The following TGFBR3 variants were observed in gnomAD, a reference collection of about 807,000 sequenced individuals.
The protein encoded by TGFBR3 is transforming growth factor beta receptor 3, also known as transforming growth factor beta receptor type 3.
A neutral mutation model predicts 87.9 loss-of-function variants in TGFBR3; 46 were observed. The observed-to-expected ratio is 0.52, with a 90% CI of 0.41 to 0.67. TGFBR3 has a LOEUF of 0.67. TGFBR3 is among the 30% of genes least tolerant of loss of function. The pLI, the probability that TGFBR3 is intolerant of heterozygous loss-of-function variation, is 0.00. For synonymous variants in TGFBR3, 381 were observed against 391.6 expected (o/e 0.97, Z 0.32); for missense variants, 866 against 1,041.9 (o/e 0.83, Z 2.32).
At chr1:91,885,020 C>T (rs1262656103) in intron 1 of TGFBR3, among the ~76,000 whole-genome samples, 1 of 152,246 alleles carries the variant, frequency 6.6e-6, no homozygotes, top group East Asian at 1.9e-4. Context: ...GCGGTGCTTA[C>T]TCGGTGCCAA....
intron 2 of TGFBR3, among the ~76,000 whole-genome samples, chr1:91,826,753 A>AAG (rs1304454197): frequency 2.7e-5 from 4 of 150,540 alleles, no homozygotes; most frequent in South Asian, 4.2e-4. Context: ...TTAAAAAAAA[A>AAG]AAAAAGGCCT....
chr1:91,683,718 GC>G lies in TGFBR3; in HGVS notation c.*20del. ...GCTGAGCTGGGCTGGGCTGGGTTGG[GC>G]CGGGTTGGGCTGGGTTGGGCTAGGC... On this transcript the variant is annotated 3_prime_UTR_variant, in exon 17 of 17. Transcript: ENST00000212355. 6.5e-7 allele frequency: 1 copy of G among 1,533,700 alleles called. No individual in the cohort carries two copies. Among genetic ancestry groups the G allele is most frequent in the Non-Finnish European group, 8.7e-7 (1 of 1,143,384 alleles).
chr1:91,725,231 A>G (rs1004236967), intron 7 of TGFBR3, among the ~76,000 whole-genome samples: 3 of 151,792 alleles, frequency 2.0e-5, no homozygotes, highest in African/African-American at 7.3e-5. Context: ...CCCATGCCCC[A>G]CCCCCGACAC....
At position 91,814,871 on chromosome 1, in the gene TGFBR3, G is replaced by A. The variant is rs186358116; in HGVS notation, c.62-17400C>T. On this transcript the variant is annotated intron_variant, in intron 2 of 16. Transcript: ENST00000212355. ...CGCTCACAAAAGTAAACATATACCC[G>A]GCTGCAGTTCTACAACATAGTCTTC... Among the ~76,000 whole-genome samples, 411 of 152,224 alleles carry A rather than the reference G, an allele frequency of 2.7e-3. 2 individuals carry two copies. Among genetic ancestry groups the A allele is most frequent in the African/African-American group, 9.6e-3 (400 of 41,538 alleles).
At chr1:91,827,145 A>T (rs1571549620) in intron 2 of TGFBR3, among the ~76,000 whole-genome samples, 1 of 152,146 alleles carries the variant, frequency 6.6e-6, no homozygotes, top group African/African-American at 2.4e-5. Flanking sequence ...ACTTCTAGGG[A>T]AGGTAAGCTC....
At chr1:91,752,251 G>A (rs1673568892) in intron 4 of TGFBR3, among the ~76,000 whole-genome samples, 2 of 152,036 alleles carry the variant, frequency 1.3e-5, no homozygotes, top group Non-Finnish European at 2.9e-5. Context: ...TATACTACAT[G>A]GGCACACTAA....
In TGFBR3 at chr1:91,861,616, A is replaced by G. The variant is rs1285080117; in HGVS notation, c.-85T>C. 9.4e-7 allele frequency: 1 copy of G among 1,067,694 alleles called. No homozygotes were observed. The highest frequency in any genetic ancestry group is 1.7e-5 in the Admixed American group (1 of 58,666). 66.1% of individuals were successfully genotyped at this position (1,067,694 alleles called of 1,614,324 possible). Reference sequence around the variant, plus strand: ...ATCTTTGCAAATCAGAAGTAGTCTTAAAGTCCCTCCTTGCAATTTTCAAAC... The same window carrying G: ...ATCTTTGCAAATCAGAAGTAGTCTTGAAGTCCCTCCTTGCAATTTTCAAAC... On this transcript the variant is annotated 5_prime_UTR_variant, in exon 2 of 17. Transcript: ENST00000212355.
rs574213283 is a variant in TGFBR3, at chr1:91,698,604, G to T, written c.2288-474C>A. On this transcript the variant is annotated intron_variant, in intron 14 of 16. Transcript: ENST00000212355. Reference sequence around the variant, plus strand: ...GCTCACTGCAGCCTCCGCCTCCCAGGCAATCCTTCCATTTTAGCCTCCCGA... The same window carrying T: ...GCTCACTGCAGCCTCCGCCTCCCAGTCAATCCTTCCATTTTAGCCTCCCGA... Among the ~76,000 whole-genome samples, 10 of 150,702 alleles carry T rather than the reference G, an allele frequency of 6.6e-5. No individual in the cohort carries two copies. The East Asian group carries it at 1.2e-3, about 18-fold the overall frequency.
intron 3 of TGFBR3, among the ~76,000 whole-genome samples, chr1:91,772,132 C>T (rs541760704): frequency 6.6e-6 from 1 of 152,278 alleles, no homozygotes; most frequent in South Asian, 2.1e-4. Flanking sequence ...CAAGCTTAAC[C>T]AGTTAATGAA....
At chr1:91,719,709 C>T (rs1167752255) in intron 9 of TGFBR3, among the ~76,000 whole-genome samples, 184 bp downstream of exon 9, 1 of 152,076 alleles carries the variant, frequency 6.6e-6, no homozygotes, top group Non-Finnish European at 1.5e-5. Context: ...CCCCCTGTCA[C>T]TGAGAACAAC....
intron 1 of TGFBR3, among the ~76,000 whole-genome samples, chr1:91,867,803 C>G (rs1678442040): frequency 6.6e-6 from 1 of 152,174 alleles, no homozygotes; most frequent in South Asian, 2.1e-4. Flanking sequence ...TTGGAAAAGT[C>G]ATTTAGCCCC....
intron 2 of TGFBR3, among the ~76,000 whole-genome samples, chr1:91,813,627 C>T (rs1385911558): frequency 1.3e-5 from 2 of 152,208 alleles, no homozygotes; most frequent in African/African-American, 4.8e-5. Flanking sequence ...ATCAGATACT[C>T]CTACCAGTGC....
At chr1:91,784,736 G>C (rs1392165271) in intron 3 of TGFBR3, among the ~76,000 whole-genome samples, 1 of 152,178 alleles carries the variant, frequency 6.6e-6, no homozygotes, top group Non-Finnish European at 1.5e-5. Flanking sequence ...GGTAAGCCCA[G>C]GGGGAGGCTC....
chr1:91,884,573 C>T (rs1679221184), intron 1 of TGFBR3, among the ~76,000 whole-genome samples: 1 of 152,196 alleles, frequency 6.6e-6, no homozygotes, highest in South Asian at 2.1e-4. Context: ...ACTTGCCGCT[C>T]TCCGCTGAGG....
intron 2 of TGFBR3, among the ~76,000 whole-genome samples, chr1:91,840,800 C>T (rs1677245549): frequency 6.8e-6 from 1 of 148,142 alleles, no homozygotes; most frequent in Non-Finnish European, 1.5e-5. Context: ...CTAACAGGTT[C>T]ACTTTGTTCA....
At chr1:91,802,916 A>G (rs1030715745) in intron 2 of TGFBR3, among the ~76,000 whole-genome samples, 1 of 150,996 alleles carries the variant, frequency 6.6e-6, no homozygotes, top group Non-Finnish European at 1.5e-5. Context: ...TGGCCACTCA[A>G]CTCTGACCCC....
rs192944186 is a variant in TGFBR3, at chr1:91,763,948, T to G, written c.247-5198A>C. 3.1e-4 allele frequency among the ~76,000 whole-genome samples: 47 copies of G among 152,294 alleles called. 1 individual carries two copies. Among genetic ancestry groups the G allele is most frequent in the Non-Finnish European group, 1.9e-4 (13 of 68,016 alleles). ...CATTTGGGAATTGGCATAAAAAGAT[T>G]CCCTCAAAATATTTTTAGAGAACTG... On this transcript the variant is annotated intron_variant, in intron 3 of 16. Coordinates refer to ENST00000212355, the MANE Select transcript of TGFBR3 (RefSeq NM_003243.5).
At chr1:91,769,325 G>A (rs1674293207) in intron 3 of TGFBR3, among the ~76,000 whole-genome samples, 1 of 152,108 alleles carries the variant, frequency 6.6e-6, no homozygotes. Context: ...CTCCATTGAG[G>A]CTTCAAGTCA....
chr1:91,828,530 T>C (rs1056326496), intron 2 of TGFBR3, among the ~76,000 whole-genome samples: 1 of 152,184 alleles, frequency 6.6e-6, no homozygotes, highest in Non-Finnish European at 1.5e-5. Context: ...GTTCAGTTTA[T>C]CAACAGGAGA....
Sources: gnomAD v4.1 joint callset for allele counts (sites outside exome capture counted in the v4.1 genomes callset) on GRCh38, gnomAD v4.1.1 for gene constraint, MANE v1.5 for transcripts, NCBI Gene and HGNC (gene_info 2026-07-23, HGNC 2026-07-21) for gene names.